Variants in SRCAP observed in about 807,000 individuals in gnomAD.
SRCAP encodes chromatin remodeling protein SRCAP.
Under a neutral mutation model 263.1 loss-of-function variants are expected in SRCAP, and 46 were observed. That is an observed-to-expected ratio of 0.17 (90% confidence interval 0.14 to 0.22). The LOEUF (loss-of-function observed/expected upper bound fraction) is 0.22, where lower values mean the gene tolerates loss of function less well. Among genes scored for constraint, SRCAP ranks in the 10% least tolerant of loss-of-function variants. The pLI is 1.00. For synonymous variants in SRCAP, 1,813 were observed against 1,662.1 expected, an observed-to-expected ratio of 1.09 and a Z score of -2.21; for missense variants, 3,695 against 4,181.9, an observed-to-expected ratio of 0.88 and a Z score of 3.21.
chr16:30,711,844 A>C lies in SRCAP; in HGVS notation c.1502A>C (p.Glu501Ala). ...EDSSSQSDSV[E>A]DRSEDEEDEH... ...TGGTCTTACCCTTTAGACTCTGTGG[A>C]GGACCGGAGTGAGGATGAGGAAGAT... The change falls in exon 12 of 34, where the codon GAG (glutamate) becomes GCG (alanine). Residue 501 changes from glutamate to alanine, a missense_variant. By Grantham distance (107) the Glu-to-Ala change is moderately radical (BLOSUM62 -1). Coordinates refer to ENST00000262518, the MANE Select transcript of SRCAP (RefSeq NM_006662.3). 6.2e-7 allele frequency: 1 copy of C among 1,613,846 alleles called. No individual in the cohort carries two copies. The highest frequency in any genetic ancestry group is 8.5e-7 in the Non-Finnish European group (1 of 1,179,956).
Position 30,724,028 on chromosome 16 carries a change from C to T in SRCAP, c.4604C>T (p.Pro1535Leu). The T allele has an allele frequency of 1.2e-6, 2 of 1,613,988 alleles. No individual in the cohort carries two copies. Among genetic ancestry groups the T allele is most frequent in the Non-Finnish European group, 8.5e-7 (1 of 1,180,008 alleles). Residue 1535 changes from proline (P) to leucine (L), a missense_variant, in exon 25 of 34, where the codon CCA becomes CTA. Coordinates refer to ENST00000262518, the MANE Select transcript of SRCAP (RefSeq NM_006662.3). ...TTGGCTCCCACCTCTTCACATGTTC[C>T]AGGGTTGAACTCAACCGTGGCCCCA... Reference protein sequence around the residue: ...LLLAPTSSHVPGLNSTVAPAC... With the variant: ...LLLAPTSSHVLGLNSTVAPAC...
intron 6 of SRCAP, among the ~76,000 whole-genome samples, chr16:30,708,044 A>G (rs1596643971): frequency 6.6e-6 from 1 of 152,222 alleles, no homozygotes; most frequent in Non-Finnish European, 1.5e-5. Flanking sequence ...TTTCTTAAGT[A>G]CTACCCAGTT....
intron 25 of SRCAP, chr16:30,726,047 C>T (rs1354705515): frequency 6.6e-6 from 1 of 152,234 alleles, no homozygotes; most frequent in African/African-American, 2.4e-5. Context: ...ATTCCCCAAT[C>T]CCTCCGTCCC....
intron 3 of SRCAP, 128 bp downstream of exon 3, chr16:30,701,006 T>C (rs569305640): frequency 6.4e-5 from 55 of 862,078 alleles, no homozygotes; most frequent in Non-Finnish European, 9.6e-5. Context: ...GGGGCTGGGC[T>C]GTAGTATATC....
chr16:30,722,285 A>G lies in SRCAP; in HGVS notation c.3705A>G (p.Gln1235=). The G allele has an allele frequency of 6.2e-7, 1 of 1,613,154 alleles. No homozygotes were observed. The highest frequency in any genetic ancestry group is 8.5e-7 in the Non-Finnish European group (1 of 1,179,682). The change falls in exon 22 of 34, where the codon CAA becomes CAG. Residue 1235 remains glutamine, a splice_region_variant and synonymous_variant. Transcript: ENST00000262518. ...CTGTGGGGCAGCCCCGCCCGCTGCA[A>G]AGTAGGTAAAACCCACCCCCTGTCC... is the stretch of plus-strand genomic sequence containing the variant. ...QLAVGQPRPL[Q]RNVVHLVSAG... is the part of the protein sequence containing the mutation.
chr16:30,720,125 G>A, intron 18 of SRCAP, 37 bp from the exon 19 acceptor site: 1 of 1,585,314 alleles, frequency 6.3e-7, no homozygotes. Flanking sequence ...ATGTGATTTT[G>A]TTCTTCTTTA....
rs759115433 is a variant in SRCAP, at chr16:30,738,250, G to A, written c.8210G>A (p.Arg2737Gln). The A allele has an allele frequency of 2.3e-5, 37 of 1,612,754 alleles. No homozygotes were observed. The highest frequency in any genetic ancestry group is 2.8e-5 in the Non-Finnish European group (33 of 1,179,222). The change falls in exon 34 of 34, where the codon CGG becomes CAG. Residue 2737 changes from arginine (R) to glutamine (Q), a missense_variant. Arg to Gln is a conservative substitution (Grantham distance 43, BLOSUM62 1). Coordinates refer to ENST00000262518, the MANE Select transcript of SRCAP (RefSeq NM_006662.3). ...GAAATTAGGGGTCAAGGGACTGGTC[G>A]GCCAGGACAACCACCAGGCCCCAAA... ...DVEIRGQGTG[R>Q]PGQPPGPKVL...
Position 30,712,014 on chromosome 16 carries a change from G to A in SRCAP, c.1672G>A (p.Asp558Asn), listed in dbSNP as rs768577848. The A allele has an allele frequency of 6.2e-7, 1 of 1,614,054 alleles. No individual in the cohort carries two copies. The highest frequency in any genetic ancestry group is 8.5e-7 in the Non-Finnish European group (1 of 1,180,020). ...DFGVEYLLAR[D>N]EEQSEADAGS... ...TGGGGTGGAGTACTTGCTTGCCAGG[G>A]ATGAAGAGCAGAGTGAGGCAGATGC... The change falls in exon 12 of 34, where the codon GAT becomes AAT. Residue 558 changes from aspartate (D) to asparagine (N), a missense_variant. This residue lies in a region of SRCAP where 288 missense variants were observed against 302.4 expected (regional missense o/e 0.95). Coordinates refer to ENST00000262518, the MANE Select transcript of SRCAP (RefSeq NM_006662.3).
intron 18 of SRCAP, 24 bp from the exon 19 acceptor site, chr16:30,720,138 A>G: frequency 6.3e-7 from 1 of 1,596,158 alleles, no homozygotes; most frequent in Non-Finnish European, 8.6e-7. Flanking sequence ...CTTCTTTATG[A>G]CTGTGCTTTC....
At chr16:30,722,419 G>A in intron 22 of SRCAP, 133 bp downstream of exon 22, 1 of 1,502,024 alleles carries the variant, frequency 6.7e-7, no homozygotes, top group South Asian at 1.3e-5. Flanking sequence ...GGGCATGGTT[G>A]GAGGGATCTT....
intron 16 of SRCAP, among the ~76,000 whole-genome samples, chr16:30,715,209 C>G (rs1207148606): frequency 6.6e-6 from 1 of 152,198 alleles, no homozygotes; most frequent in Non-Finnish European, 1.5e-5. Flanking sequence ...CATCTCTGGC[C>G]TTATAGCCTG....
intron 3 of SRCAP, among the ~76,000 whole-genome samples, chr16:30,702,846 C>T (rs1375326056): frequency 1.3e-5 from 2 of 151,144 alleles, no homozygotes. Flanking sequence ...CCATGTGATC[C>T]GCCCGCCTCG....
Position 30,721,431 on chromosome 16 carries a change from C to T in SRCAP, c.3496C>T (p.Pro1166Ser), listed in dbSNP as rs2053010553. Residue 1166 changes from proline to serine, a missense_variant, in exon 21 of 34, where the codon CCA (proline) becomes TCA (serine). This residue lies in a region of SRCAP where 1,347 missense variants were observed against 1,304.4 expected (regional missense o/e 1.03). Transcript: ENST00000262518. ...AGCAGTGCCAGCTCCGACTCCTGCA[C>T]CACAGCGCCTCATTCTATCTCCCGA... ...TTAVPAPTPA[P>S]QRLILSPDMQ... The T allele has an allele frequency of 6.2e-7, 1 of 1,612,996 alleles. No homozygotes were observed. The highest frequency in any genetic ancestry group is 1.1e-5 in the South Asian group (1 of 91,088).
chr16:30,730,367 A>G (rs1408039751), intron 27 of SRCAP, among the ~76,000 whole-genome samples: 2 of 66,862 alleles, frequency 3.0e-5, no homozygotes, highest in African/African-American at 9.8e-5. Context: ...CAATCTGAGA[A>G]TAGTGGTGTG....
intron 18 of SRCAP, among the ~76,000 whole-genome samples, chr16:30,717,632 G>C (rs1259197025): frequency 3.5e-4 from 4 of 11,460 alleles, no homozygotes; most frequent in African/African-American, 9.0e-4. Context: ...TTTTTTTTTT[G>C]AGGCGGAGTC....
rs548544100 is a variant in SRCAP, at chr16:30,733,955, T to C, written c.6556T>C (p.Leu2186=). Reference sequence around the variant, plus strand: ...AAAAAAGGCAAATCAGAAGAGAATGTTGGGGGACATGGCCATTGAGGGAGG... The same window carrying C: ...AAAAAAGGCAAATCAGAAGAGAATGCTGGGGGACATGGCCATTGAGGGAGG... The part of the protein sequence containing the change: ...ILKKANQKRM[L]GDMAIEGGNF... Residue 2186 remains leucine, a synonymous_variant, in exon 30 of 34, where the codon TTG becomes CTG. Coordinates refer to ENST00000262518, the MANE Select transcript of SRCAP (RefSeq NM_006662.3). The surrounding 1 kb of genome is among the most constrained non-coding windows in gnomAD (Gnocchi z 5.3). 3.1e-6 allele frequency: 5 copies of C among 1,613,554 alleles called. No homozygotes were observed. The highest frequency in any genetic ancestry group is 1.3e-5 in the African/African-American group (1 of 74,994).
chr16:30,713,795 G>C, intron 16 of SRCAP, 84 bp downstream of exon 16: 1 of 1,347,988 alleles, frequency 7.4e-7, no homozygotes, highest in Non-Finnish European at 1.0e-6. Context: ...GGAAACCCTT[G>C]GGGAGAGGGA....
At position 30,699,536 on chromosome 16, in the gene SRCAP, A is replaced by G. The variant is rs1477297767; in HGVS notation, c.-284+294A>G. On this transcript the variant is annotated intron_variant, in intron 1 of 33. Coordinates refer to ENST00000262518, the MANE Select transcript of SRCAP (RefSeq NM_006662.3). ...TTTCCTGTGACCAGCCTGTTTGTTG[A>G]CTCTTCCCGGGAGTTCCACTCTCAC... Among the ~76,000 whole-genome samples the G allele has an allele frequency of 4.0e-5, 6 of 150,286 alleles. No homozygotes were observed. The East Asian group carries it at 1.2e-3, about 29-fold the overall frequency.
At position 30,713,458 on chromosome 16, in the gene SRCAP, T is replaced by C. The variant is rs556792620; in HGVS notation, c.2301-61T>C. The C allele has an allele frequency of 9.6e-5, 155 of 1,611,044 alleles. 1 individual carries two copies. The Admixed American group carries it at 2.5e-3, about 26-fold the overall frequency. ...GCCTGGGTTGAGGAATGTATCAGAA[T>C]GCTCAGAAGGTTGGGAGCTTGCTGA... On this transcript the variant is annotated intron_variant, in intron 15 of 33. Coordinates refer to ENST00000262518, the MANE Select transcript of SRCAP (RefSeq NM_006662.3).
Sources: gnomAD v4.1 joint callset for allele counts (sites outside exome capture counted in the v4.1 genomes callset) on GRCh38, gnomAD v4.1.1 for gene constraint, gnomAD v4.1.1 regional missense constraint, Gnocchi (gnomAD v3.1) non-coding constraint, MANE v1.5 for transcripts, NCBI Gene and HGNC (gene_info 2026-07-23, HGNC 2026-07-21) for gene names.